SLC24A3: variants seen among roughly 807,000 people sequenced by gnomAD.
SLC24A3 encodes the protein sodium/potassium/calcium exchanger 3.
SLC24A3 carries 28 observed loss-of-function variants against 75.8 expected under a neutral mutation model. The observed-to-expected ratio is 0.37, with a 90% confidence interval of 0.27 to 0.51. SLC24A3 has a LOEUF of 0.51. Among genes scored for constraint, SLC24A3 ranks in the 20% least tolerant of loss-of-function variants. The pLI, the probability that SLC24A3 is intolerant of heterozygous loss-of-function variation, is 0.94. For missense variants in SLC24A3, 663 were observed against 847.8 expected, an observed-to-expected ratio of 0.78 and a Z score of 2.71; for synonymous variants, 372 against 334.1, an observed-to-expected ratio of 1.11 and a Z score of -1.24.
In SLC24A3 at chr20:19,212,972, C is replaced by T; in HGVS notation, c.130C>T (p.Arg44Ter). The T allele has an allele frequency of 1.5e-6, 2 of 1,299,978 alleles. No individual in the cohort carries two copies. Among genetic ancestry groups the T allele is most frequent in the Non-Finnish European group, 2.0e-6 (2 of 1,021,854 alleles). 80.5% of individuals were successfully genotyped at this position (1,299,978 alleles called of 1,614,324 possible). A position where few individuals can be genotyped will look rare whatever the true frequency, so the allele number is the denominator to read the frequency against. The stretch of plus-strand genomic sequence containing the variant: ...GCTGCTCTGGTCGCTGTCGAGCCTG[C>T]GAGAGCAGAAGGGTGAGTGCACGCT... ...ALLLWSLSSL[R>*]EQKELDLMDL... Residue 44 changes from arginine (R) to a stop codon, truncating the protein, a stop_gained, in exon 1 of 17, where the codon CGA becomes TGA. Coordinates refer to ENST00000328041, the MANE Select transcript of SLC24A3 (RefSeq NM_020689.4). LOFTEE classifies it high-confidence loss of function.
intron 12 of SLC24A3, among the ~76,000 whole-genome samples, chr20:19,692,175 C>T (rs2032751649): frequency 6.6e-6 from 1 of 152,106 alleles, no homozygotes; most frequent in Non-Finnish European, 1.5e-5. Context: ...AAAATTCCTC[C>T]TTAACTCTGG....
intron 3 of SLC24A3, among the ~76,000 whole-genome samples, chr20:19,577,509 A>G (rs1374316566): frequency 6.6e-6 from 1 of 152,176 alleles, no homozygotes; most frequent in Non-Finnish European, 1.5e-5. Context: ...TACCTCTAAA[A>G]TCTCCCATCA....
intron 8 of SLC24A3, among the ~76,000 whole-genome samples, chr20:19,673,210 G>T (rs960357609): frequency 5.9e-5 from 9 of 152,000 alleles, no homozygotes; most frequent in South Asian, 2.1e-4. Flanking sequence ...AATCCCTCAG[G>T]CATCCCCGGC....
intron 15 of SLC24A3, among the ~76,000 whole-genome samples, chr20:19,711,063 A>T (rs2032982509): frequency 7.6e-6 from 1 of 130,802 alleles, no homozygotes. Flanking sequence ...ATGCACATGC[A>T]TGCACACATG....
chr20:19,612,630 G>C (rs962293108), intron 6 of SLC24A3, among the ~76,000 whole-genome samples: 17 of 151,960 alleles, frequency 1.1e-4, no homozygotes, highest in Non-Finnish European at 1.6e-4. Context: ...GTGTGTGTGT[G>C]TGTGTGTGTG....
In SLC24A3 at chr20:19,538,104, A is replaced by G. The variant is rs142644824; in HGVS notation, c.348+22540A>G. Among the ~76,000 whole-genome samples, 600 of 152,318 alleles carry G rather than the reference A, an allele frequency of 3.9e-3. 1 individual carries two copies. Among genetic ancestry groups the G allele is most frequent in the Middle Eastern group, 0.01 (3 of 294 alleles). On this transcript the variant is annotated intron_variant, in intron 3 of 16. Transcript: ENST00000328041. ...ATAGTATCTGTCCAAGATACAGTAC[A>G]TGTTAAGCCACGGTGTGGTTTCCAT...
At chr20:19,546,179 A>AAAAAAAAAAAAAAAAAAC (rs765227499) in intron 3 of SLC24A3, among the ~76,000 whole-genome samples, 19 of 147,576 alleles carry the variant, frequency 1.3e-4, no homozygotes, top group Non-Finnish European at 2.6e-4. Flanking sequence ...AAAAAAAAAA[A>AAAAAAAAAAAAAAAAAAC]AAAAAAAAAC....
chr20:19,463,243 C>T (rs531274605), intron 2 of SLC24A3, among the ~76,000 whole-genome samples: 1 of 152,346 alleles, frequency 6.6e-6, no homozygotes, highest in South Asian at 2.1e-4. Context: ...CGTAAACACA[C>T]TGCATCCTTG....
chr20:19,359,366 G>C (rs973246407), intron 2 of SLC24A3, among the ~76,000 whole-genome samples: 3 of 152,102 alleles, frequency 2.0e-5, no homozygotes, highest in African/African-American at 7.2e-5. Context: ...TCCTATGAAT[G>C]GCCTGTGTAG....
chr20:19,706,856 G>A (rs181059492), intron 15 of SLC24A3, among the ~76,000 whole-genome samples: 9 of 152,268 alleles, frequency 5.9e-5, no homozygotes, highest in African/African-American at 1.2e-4. Context: ...ATTGGATTAG[G>A]ATGGTTGTAT....
In SLC24A3 at chr20:19,467,484, G is replaced by A. The variant is rs181189414; in HGVS notation, c.272-48004G>A. 3.3e-5 allele frequency among the ~76,000 whole-genome samples: 5 copies of A among 152,294 alleles called. No homozygotes were observed. In the East Asian group the frequency reaches 9.6e-4, roughly 29 times the overall value. On this transcript the variant is annotated intron_variant, in intron 2 of 16. Transcript: ENST00000328041. ...TTATCTAAGGGTAGATATGCCTAGA[G>A]TCTGGCTAGAGGTCAAGCCTGGAGA...
At chr20:19,333,572 T>C (rs1985048998) in intron 2 of SLC24A3, among the ~76,000 whole-genome samples, 1 of 152,136 alleles carries the variant, frequency 6.6e-6, no homozygotes, top group African/African-American at 2.4e-5. Flanking sequence ...TGTGTGGGAA[T>C]TTGTATTTCG....
At chr20:19,602,525 C>T (rs1297268515) in intron 6 of SLC24A3, among the ~76,000 whole-genome samples, 2 of 152,192 alleles carry the variant, frequency 1.3e-5, no homozygotes, top group African/African-American at 4.8e-5. Context: ...AGCTGGTTTT[C>T]AGTTTCACCC....
At chr20:19,330,468 G>A (rs1459246219) in intron 2 of SLC24A3, among the ~76,000 whole-genome samples, 1 of 152,244 alleles carries the variant, frequency 6.6e-6, no homozygotes, top group Non-Finnish European at 1.5e-5. Flanking sequence ...AAGCCATCTT[G>A]AAAGGGCTCT....
intron 1 of SLC24A3, among the ~76,000 whole-genome samples, chr20:19,254,045 G>C (rs1456320700): frequency 6.6e-6 from 1 of 152,198 alleles, no homozygotes; most frequent in Non-Finnish European, 1.5e-5. Flanking sequence ...CATGTTGCCA[G>C]GTCTTCTGGT....
chr20:19,404,427 A>G (rs913464995), intron 2 of SLC24A3, among the ~76,000 whole-genome samples: 6 of 152,184 alleles, frequency 3.9e-5, no homozygotes, highest in Non-Finnish European at 7.3e-5. Flanking sequence ...TGGAAAAGCA[A>G]ATGGGCAGTG....
chr20:19,462,025 T>C (rs1413653296), intron 2 of SLC24A3, among the ~76,000 whole-genome samples: 1 of 152,222 alleles, frequency 6.6e-6, no homozygotes, highest in Non-Finnish European at 1.5e-5. Flanking sequence ...CCAACTTTTA[T>C]TTTAGGTTCA....
intron 2 of SLC24A3, among the ~76,000 whole-genome samples, chr20:19,325,789 TATATATAGAGAGAGAGAGAGAGAG>T (rs1984837874): frequency 1.1e-5 from 1 of 92,502 alleles, no homozygotes; most frequent in African/African-American, 4.2e-5. Context: ...TATATATATA[TATATATAGAGAGAGAGAGAGAGAG>T]AGAGAGAGAG....
intron 10 of SLC24A3, 31 bp from the exon 11 acceptor site, chr20:19,684,144 GT>G (rs2032645929): frequency 1.2e-6 from 2 of 1,600,840 alleles, no homozygotes. Context: ...TGGCCTCCAT[GT>G]TATTTTACCT....
Sources: gnomAD v4.1 joint callset for allele counts (sites outside exome capture counted in the v4.1 genomes callset) on GRCh38, gnomAD v4.1.1 for gene constraint, MANE v1.5 for transcripts, NCBI Gene and HGNC (gene_info 2026-07-23, HGNC 2026-07-21) for gene names.